CIROZ: variants seen among roughly 807,000 people sequenced by gnomAD.
CIROZ encodes the protein ciliated left-right organizer ZP-N domains-containing protein.
the CIROZ span, chr1:10,966,521 T>C: frequency 6.7e-7 from 1 of 1,489,434 alleles, no homozygotes; most frequent in Non-Finnish European, 8.9e-7. Context: ...GTTGAGCCTG[T>C]GGAGGTGGCT....
At chr1:10,948,258 C>T in the CIROZ span, 21 of 1,613,942 alleles carry the variant, frequency 1.3e-5, no homozygotes, top group African/African-American at 9.3e-5. Context: ...CCCTGTCTGG[C>T]GTGGCCTCTC....
chr1:10,958,552 C>T, the CIROZ span, among the ~76,000 whole-genome samples: 2 of 152,194 alleles, frequency 1.3e-5, no homozygotes, highest in Non-Finnish European at 2.9e-5. Flanking sequence ...GAGCTTCAAA[C>T]TTCAGCCGGC....
chr1:10,948,743 C>T, the CIROZ span: 6 of 1,545,452 alleles, frequency 3.9e-6, no homozygotes, highest in Admixed American at 2.0e-5. Flanking sequence ...CTGGGGGAGG[C>T]TGGGGACCTC....
the CIROZ span, among the ~76,000 whole-genome samples, chr1:10,959,978 A>C: frequency 2.7e-4 from 41 of 152,120 alleles, 1 homozygote; most frequent in Non-Finnish European, 4.7e-4. The surrounding 1 kb of genome is among the most constrained non-coding windows in gnomAD (Gnocchi z 4.3). Flanking sequence ...TTCCTCAACA[A>C]CACCACCAAA....
At chr1:10,964,117 G>A in the CIROZ span, 37 of 1,612,766 alleles carry the variant, frequency 2.3e-5, no homozygotes, top group Admixed American at 3.3e-5. Flanking sequence ...CAGACCCCCC[G>A]AACCCATTAC....
chr1:10,977,502 T>A, the CIROZ span, among the ~76,000 whole-genome samples: 1 of 152,138 alleles, frequency 6.6e-6, no homozygotes, highest in Non-Finnish European at 1.5e-5. Flanking sequence ...AATAAATAAA[T>A]AAAATGATGA....
At chr1:10,961,493 G>A in the CIROZ span, among the ~76,000 whole-genome samples, 1 of 152,208 alleles carries the variant, frequency 6.6e-6, no homozygotes, top group African/African-American at 2.4e-5. Context: ...TCTGAGCTGG[G>A]CTGGTGCAGG....
the CIROZ span, chr1:10,954,916 T>A: frequency 6.9e-7 from 1 of 1,455,130 alleles, no homozygotes; most frequent in Non-Finnish European, 9.3e-7. Context: ...TCTGACCACA[T>A]ATGGCATCGG....
chr1:10,962,116 C>T, the CIROZ span, among the ~76,000 whole-genome samples: 1 of 152,228 alleles, frequency 6.6e-6, no homozygotes, highest in Non-Finnish European at 1.5e-5. Context: ...CAGGCCAAAT[C>T]CAGCACTTTG....
chr1:10,968,416 C>T, the CIROZ span, among the ~76,000 whole-genome samples: 1 of 152,190 alleles, frequency 6.6e-6, no homozygotes, highest in African/African-American at 2.4e-5. Context: ...AGCCTTTCTA[C>T]GTGGGATTCT....
chr1:10,971,667 G>A, the CIROZ span, among the ~76,000 whole-genome samples: 5 of 152,014 alleles, frequency 3.3e-5, no homozygotes, highest in African/African-American at 1.2e-4. Context: ...ATCACTGTTG[G>A]GAATATGTTA....
At chr1:10,978,737 G>T in the CIROZ span, among the ~76,000 whole-genome samples, 1 of 152,018 alleles carries the variant, frequency 6.6e-6, no homozygotes, top group Non-Finnish European at 1.5e-5. Context: ...CCCATGCAAA[G>T]ACCTGGGGAA....
the CIROZ span, among the ~76,000 whole-genome samples, chr1:10,973,988 G>T: frequency 6.6e-6 from 1 of 151,894 alleles, no homozygotes; most frequent in Non-Finnish European, 1.5e-5. Flanking sequence ...AAGCTCAGGG[G>T]TGTCTTCTGC....
At chr1:10,980,597 T>A in the CIROZ span, among the ~76,000 whole-genome samples, 1 of 152,224 alleles carries the variant, frequency 6.6e-6, no homozygotes, top group African/African-American at 2.4e-5. Flanking sequence ...AGTGGCTGAC[T>A]CTGGTGCTGA....
chr1:10,961,849 T>G, the CIROZ span, among the ~76,000 whole-genome samples: 2 of 152,078 alleles, frequency 1.3e-5, no homozygotes, highest in African/African-American at 2.4e-5. Context: ...ATGCCTGTGA[T>G]CCCATGAGAA....
the CIROZ span, among the ~76,000 whole-genome samples, chr1:10,951,714 G>C: frequency 7.5e-6 from 1 of 133,348 alleles, no homozygotes; most frequent in Non-Finnish European, 1.5e-5. Context: ...AATAGAACAA[G>C]ACCCTGTCTC....
At chr1:10,950,481 G>A in the CIROZ span, among the ~76,000 whole-genome samples, 10 of 152,180 alleles carry the variant, frequency 6.6e-5, no homozygotes, top group South Asian at 6.2e-4. Flanking sequence ...TCAGCCTCAG[G>A]AACCACAGAG....
the CIROZ span, chr1:10,970,126 A>AAGGG: frequency 1.2e-5 from 18 of 1,462,306 alleles, no homozygotes; most frequent in South Asian, 1.0e-4. Flanking sequence ...GGAGGTGGGG[A>AAGGG]AGGGAGGGAG....
the CIROZ span, among the ~76,000 whole-genome samples, chr1:10,946,975 C>G: frequency 1.3e-5 from 2 of 152,192 alleles, no homozygotes; most frequent in Non-Finnish European, 2.9e-5. Flanking sequence ...CTGCCTGGGC[C>G]GGGAGGTGGA....
Sources: allele counts gnomAD v4.1 joint callset (sites outside exome capture counted in the v4.1 genomes callset), GRCh38; gene constraint gnomAD v4.1.1; non-coding constraint Gnocchi (gnomAD v3.1); transcripts MANE v1.5; gene names NCBI Gene and HGNC (gene_info 2026-07-23, HGNC 2026-07-21).